ZNF366: variants seen among roughly 807,000 people sequenced by gnomAD.
ZNF366 encodes the protein zinc finger protein 366.
ZNF366 carries 20 observed loss-of-function variants against 47.2 expected under a neutral mutation model. That is an observed-to-expected ratio of 0.42 (90% confidence interval 0.30 to 0.62). The LOEUF (loss-of-function observed/expected upper bound fraction) is 0.62. Ranked by LOEUF, ZNF366 falls within the 20% of genes least tolerant of loss-of-function variation. The pLI, the probability that ZNF366 is intolerant of heterozygous loss-of-function variation, is 0.16. For missense variants in ZNF366, 987 were observed against 976.3 expected (o/e 1.01, Z -0.15); for synonymous variants, 421 against 395.1 (o/e 1.07, Z -0.78).
intron 3 of ZNF366, among the ~76,000 whole-genome samples, chr5:72,456,175 T>A (rs919147517): frequency 6.6e-6 from 1 of 152,164 alleles, no homozygotes; most frequent in South Asian, 2.1e-4. Context: ...TGGGCATGGA[T>A]GCCACAGTGA....
At chr5:72,454,814 C>A (rs913424998) in intron 3 of ZNF366, among the ~76,000 whole-genome samples, 1 of 152,180 alleles carries the variant, frequency 6.6e-6, no homozygotes, top group South Asian at 2.1e-4. Context: ...GCTCTGGGGG[C>A]TCAGTGAAGT....
At chr5:72,486,059 A>G (rs142451299) in intron 1 of ZNF366, among the ~76,000 whole-genome samples, 2 of 152,198 alleles carry the variant, frequency 1.3e-5, no homozygotes, top group East Asian at 3.9e-4. Context: ...TTTTCTCCAT[A>G]TCTTCTAACA....
At chr5:72,467,803 A>G (rs1743464617) in intron 1 of ZNF366, among the ~76,000 whole-genome samples, 1 of 152,126 alleles carries the variant, frequency 6.6e-6, no homozygotes, top group Non-Finnish European at 1.5e-5. Flanking sequence ...GTAATATGAG[A>G]GTGGCAGTTT....
chr5:72,505,247 C>T (rs753589966), intron 1 of ZNF366, among the ~76,000 whole-genome samples: 18 of 152,084 alleles, frequency 1.2e-4, no homozygotes, highest in Non-Finnish European at 1.9e-4. Flanking sequence ...CACTCTTTGG[C>T]GGTGAGTGAG....
intron 4 of ZNF366, among the ~76,000 whole-genome samples, chr5:72,445,465 A>G (rs1462363118): frequency 6.6e-6 from 1 of 152,124 alleles, no homozygotes; most frequent in Non-Finnish European, 1.5e-5. Flanking sequence ...CTGTCAGGGG[A>G]CAGGAAAGAT....
chr5:72,449,475 G>A (rs1580231314), intron 3 of ZNF366, among the ~76,000 whole-genome samples: 1 of 152,216 alleles, frequency 6.6e-6, no homozygotes, highest in Non-Finnish European at 1.5e-5. Flanking sequence ...GACCTCAAGT[G>A]ATCCATCCGC....
chr5:72,505,008 C>G (rs1003375264), intron 1 of ZNF366, among the ~76,000 whole-genome samples: 1 of 152,196 alleles, frequency 6.6e-6, no homozygotes, highest in African/African-American at 2.4e-5. Flanking sequence ...TAATTTGACT[C>G]ACATCCCAGC....
At position 72,444,004 on chromosome 5, in the gene ZNF366, A is replaced by C. The variant is rs765363109; in HGVS notation, c.1987T>G (p.Cys663Gly). Residue 663 changes from cysteine (C) to glycine (G), a missense_variant, in exon 5 of 5, where the codon TGC becomes GGC. Physicochemically the swap from Cys to Gly is radical, Grantham distance 159 (BLOSUM62 -3). Coordinates refer to ENST00000318442, the MANE Select transcript of ZNF366 (RefSeq NM_152625.3). ...GATGCATCCTCCTTCTCCTCCTTGCAGGCTTCCTCCAGCACCTCGGGGGCG... is the reference window on the plus strand; with the variant it reads ...GATGCATCCTCCTTCTCCTCCTTGCCGGCTTCCTCCAGCACCTCGGGGGCG... Reference protein sequence around the residue: ...EHAPEVLEEACKEEKEDASKG... With the variant: ...EHAPEVLEEAGKEEKEDASKG... 1.2e-6 allele frequency: 2 copies of C among 1,613,992 alleles called. No homozygotes were observed. The highest frequency in any genetic ancestry group is 1.7e-6 in the Non-Finnish European group (2 of 1,179,958).
In ZNF366 at chr5:72,460,813, C is replaced by T; in HGVS notation, c.684G>A (p.Lys228=). The change falls in exon 2 of 5, where the codon AAG becomes AAA. Residue 228 remains lysine (K), a synonymous_variant. Transcript: ENST00000318442. ...EPQESEETKQ[K]VERVDVNVQI... ...GCACGTTCACGTCCACCCTCTCCAC[C>T]TTCTGCTTGGTCTCCTCGCTCTCCT... 6.2e-7 allele frequency: 1 copy of T among 1,614,194 alleles called. No individual in the cohort carries two copies. Among genetic ancestry groups the T allele is most frequent in the East Asian group, 2.2e-5 (1 of 44,854 alleles).
intron 1 of ZNF366, among the ~76,000 whole-genome samples, chr5:72,492,088 A>G (rs144381978): frequency 6.6e-6 from 1 of 152,344 alleles, no homozygotes; most frequent in Non-Finnish European, 1.5e-5. Flanking sequence ...TAGTATGTTA[A>G]TAAGGAAGTG....
chr5:72,497,888 C>T (rs1166946886), intron 1 of ZNF366, among the ~76,000 whole-genome samples: 3 of 152,100 alleles, frequency 2.0e-5, no homozygotes, highest in Non-Finnish European at 4.4e-5. Flanking sequence ...TGTTTATAAG[C>T]CAACTATATT....
intron 3 of ZNF366, among the ~76,000 whole-genome samples, chr5:72,452,129 C>T (rs1311949075): frequency 3.9e-5 from 6 of 152,212 alleles, no homozygotes; most frequent in Non-Finnish European, 8.8e-5. Context: ...TTTTCCTATT[C>T]AGAGAGAAGA....
intron 1 of ZNF366, among the ~76,000 whole-genome samples, chr5:72,503,768 C>G (rs1744263262): frequency 6.6e-6 from 1 of 152,256 alleles, no homozygotes; most frequent in Non-Finnish European, 1.5e-5. Flanking sequence ...CAGAACAACT[C>G]AGCTTCGATT....
Position 72,451,242 on chromosome 5 carries a change from G to A in ZNF366, c.1525-3825C>T, listed in dbSNP as rs548642152. Among the ~76,000 whole-genome samples the A allele has an allele frequency of 5.3e-5, 8 of 152,352 alleles. No individual in the cohort carries two copies. The East Asian group carries it at 1.4e-3, about 26-fold the overall frequency. On this transcript the variant is annotated intron_variant, in intron 3 of 4. Transcript: ENST00000318442. ...CCAGCGTGCCCCCGCTTGACCTCTC[G>A]GTCACTCCAAGGAACACCGTCAGTG...
intron 1 of ZNF366, among the ~76,000 whole-genome samples, chr5:72,486,121 C>T (rs1448657787): frequency 6.6e-6 from 1 of 152,232 alleles, no homozygotes; most frequent in Non-Finnish European, 1.5e-5. Context: ...TAGAATGCAA[C>T]TCTGTGTACA....
intron 1 of ZNF366, among the ~76,000 whole-genome samples, chr5:72,485,618 G>T (rs1743875890): frequency 6.6e-6 from 1 of 152,046 alleles, no homozygotes; most frequent in Non-Finnish European, 1.5e-5. Context: ...TCTCCCTTGG[G>T]CTCCTGTCTG....
chr5:72,455,490 C>T (rs550398850), intron 3 of ZNF366, among the ~76,000 whole-genome samples: 1 of 152,318 alleles, frequency 6.6e-6, no homozygotes, highest in Admixed American at 6.5e-5. Flanking sequence ...CTTCTTCCCC[C>T]TCAGCCTTCT....
At chr5:72,454,162 G>A (rs1435141930) in intron 3 of ZNF366, among the ~76,000 whole-genome samples, 1 of 152,200 alleles carries the variant, frequency 6.6e-6, no homozygotes, top group Non-Finnish European at 1.5e-5. Context: ...CAAGAAATGG[G>A]TAAAATAGTT....
intron 3 of ZNF366, among the ~76,000 whole-genome samples, chr5:72,451,606 T>C (rs1191080926): frequency 6.6e-6 from 1 of 152,256 alleles, no homozygotes; most frequent in Non-Finnish European, 1.5e-5. Context: ...ATGGTGTATA[T>C]AGTAGATTCT....
Sources: allele counts gnomAD v4.1 joint callset (sites outside exome capture counted in the v4.1 genomes callset), GRCh38; gene constraint gnomAD v4.1.1; transcripts MANE v1.5; gene names NCBI Gene and HGNC (gene_info 2026-07-23, HGNC 2026-07-21).